Variants in FAF2 observed in about 807,000 individuals in gnomAD.
FAF2 encodes the protein Fas associated factor family member 2, also known as FAS-associated factor 2.
FAF2 carries 9 observed loss-of-function variants against 62.3 expected under a neutral mutation model. The observed-to-expected ratio is 0.14, with a 90% CI of 0.09 to 0.25. The LOEUF is 0.25. FAF2 is among the 10% of genes least tolerant of loss of function. FAF2 has a pLI of 1.00. For synonymous variants in FAF2, 202 were observed against 198.0 expected, an observed-to-expected ratio of 1.02 and a Z score of -0.17; for missense variants, 368 against 556.2, an observed-to-expected ratio of 0.66 and a Z score of 3.40.
At chr5:176,493,119 C>G (rs753379) in intron 5 of FAF2, among the ~76,000 whole-genome samples, 20,546 of 152,168 alleles carry the variant, frequency 0.14, 1,765 homozygotes, top group East Asian at 0.28. Flanking sequence ...AATGCTGTGG[C>G]AATAGGCAAA....
At position 176,496,654 on chromosome 5, in the gene FAF2, G is replaced by A. The variant is rs757583095; in HGVS notation, c.830G>A (p.Arg277His). The A allele has an allele frequency of 4.4e-6, 7 of 1,584,646 alleles. No homozygotes were observed. Among genetic ancestry groups the A allele is most frequent in the East Asian group, 2.3e-5 (1 of 43,504 alleles). The change falls in exon 8 of 11, where the codon CGC becomes CAC. Residue 277 changes from arginine (R) to histidine (H), a missense_variant. Arg to His is a conservative substitution (Grantham distance 29). Coordinates refer to ENST00000261942, the MANE Select transcript of FAF2 (RefSeq NM_014613.3). ...DANQTYLVSE[R>H]LEREERNQTQ... ...AACCAGACTTACCTGGTGTCAGAACGCCTAGAAAGGTACAAGGGAGTTCCC... is the reference window on the plus strand; with the variant it reads ...AACCAGACTTACCTGGTGTCAGAACACCTAGAAAGGTACAAGGGAGTTCCC...
At chr5:176,458,403 TCTTC>T (rs1758314472) in intron 1 of FAF2, among the ~76,000 whole-genome samples, 1 of 104,170 alleles carries the variant, frequency 9.6e-6, no homozygotes, top group African/African-American at 3.9e-5. Context: ...TTTTTCTTTT[TCTTC>T]CTTTTTTTTT....
intron 1 of FAF2, among the ~76,000 whole-genome samples, chr5:176,454,453 C>T (rs1279556048): frequency 6.6e-6 from 1 of 151,422 alleles, no homozygotes; most frequent in Non-Finnish European, 1.5e-5. Context: ...TGGCACAGGC[C>T]TGTAATCCCA....
At chr5:176,477,759 A>G (rs1170848752) in intron 1 of FAF2, among the ~76,000 whole-genome samples, 1 of 152,156 alleles carries the variant, frequency 6.6e-6, no homozygotes, top group Non-Finnish European at 1.5e-5. Flanking sequence ...TCCACATTAA[A>G]CCCTTCACAT....
intron 2 of FAF2, among the ~76,000 whole-genome samples, chr5:176,479,948 G>A (rs2113733087): frequency 6.6e-6 from 1 of 152,284 alleles, no homozygotes; most frequent in South Asian, 2.1e-4. Flanking sequence ...GCCCCGCTCA[G>A]CCTTCCAAAG....
chr5:176,457,589 T>C (rs1758298194), intron 1 of FAF2, among the ~76,000 whole-genome samples: 1 of 152,168 alleles, frequency 6.6e-6, no homozygotes, highest in South Asian at 2.1e-4. Context: ...GTATTTTTGC[T>C]TAAAATTAGT....
At chr5:176,461,351 C>T (rs911855241) in intron 1 of FAF2, among the ~76,000 whole-genome samples, 16 of 109,986 alleles carry the variant, frequency 1.5e-4, no homozygotes, top group African/African-American at 5.6e-4. Flanking sequence ...CAGGTTCTTG[C>T]TCTATCTCTC....
At chr5:176,458,646 T>C (rs1371563333) in intron 1 of FAF2, among the ~76,000 whole-genome samples, 1 of 151,518 alleles carries the variant, frequency 6.6e-6, no homozygotes, top group Non-Finnish European at 1.5e-5. Context: ...CCTCGTGATC[T>C]GCCCACCTCA....
intron 1 of FAF2, among the ~76,000 whole-genome samples, chr5:176,467,340 GT>G (rs997291314): frequency 2.0e-5 from 3 of 149,872 alleles, no homozygotes; most frequent in African/African-American, 2.5e-5. Flanking sequence ...GTTTTTTTTG[GT>G]TTTTTTTTGA....
chr5:176,501,228 C>G (rs1755587128), intron 10 of FAF2, among the ~76,000 whole-genome samples: 5 of 152,168 alleles, frequency 3.3e-5, no homozygotes, highest in Admixed American at 3.3e-4. Flanking sequence ...TAAATACTAA[C>G]TACTATTTTT....
intron 1 of FAF2, among the ~76,000 whole-genome samples, chr5:176,465,302 G>C (rs868058310): frequency 6.6e-6 from 1 of 151,764 alleles, no homozygotes; most frequent in African/African-American, 2.4e-5. Flanking sequence ...TTTTATATAC[G>C]TCTGTGGGCT....
intron 1 of FAF2, among the ~76,000 whole-genome samples, chr5:176,473,591 T>C (rs1391655830): frequency 6.6e-6 from 1 of 152,242 alleles, no homozygotes; most frequent in East Asian, 1.9e-4. Flanking sequence ...TATGTTCTAC[T>C]TCCTTGAAGG....
rs1280481490 is a variant in FAF2 at position 176,502,806 on chromosome 5, T to C, written c.1155+2660T>C. Among the ~76,000 whole-genome samples the C allele has an allele frequency of 2.6e-5, 4 of 152,076 alleles. No homozygotes were observed. In the South Asian group the frequency reaches 8.3e-4, roughly 31 times the overall value. On this transcript the variant is annotated intron_variant, in intron 10 of 10. Coordinates refer to ENST00000261942, the MANE Select transcript of FAF2 (RefSeq NM_014613.3). ...GGCTCATGCCTGTAATCCCAGCACT[T>C]TGGGGGGCCGAGGCAGGCGGATCAC...
chr5:176,455,703 C>T (rs1473422537), intron 1 of FAF2, among the ~76,000 whole-genome samples: 1 of 140,246 alleles, frequency 7.1e-6, no homozygotes, highest in South Asian at 2.3e-4. Flanking sequence ...GAGCCAAGGT[C>T]GCACTAGTGC....
rs545687990 is a variant in FAF2, at chr5:176,481,236, C to T, written c.132+1980C>T. Among the ~76,000 whole-genome samples, 56 of 152,032 alleles carry T rather than the reference C, an allele frequency of 3.7e-4. No individual in the cohort carries two copies. The East Asian group carries it at 8.0e-3, about 22-fold the overall frequency. On this transcript the variant is annotated intron_variant, in intron 2 of 10. Coordinates refer to ENST00000261942, the MANE Select transcript of FAF2 (RefSeq NM_014613.3). ...TAATTTTTTGTATTTTTAGTAGAGA[C>T]GAGGTTTCACCATATTGGCCAGGCT...
Position 176,488,993 on chromosome 5 carries a change from C to T in FAF2, c.310C>T (p.Arg104Trp), listed in dbSNP as rs1358292679. Residue 104 changes from arginine (R) to tryptophan (W), a missense_variant, in exon 4 of 11, where the codon CGG becomes TGG. Transcript: ENST00000261942. The stretch of plus-strand genomic sequence containing the variant: ...TTATTACTTGATAATGCTTCCATTC[C>T]GGTTTACCTATTACACGATACTTGA... The part of the protein sequence containing the change: ...WGYYLIMLPF[R>W]FTYYTILDIF... 4 of 1,613,896 alleles carry T rather than the reference C, an allele frequency of 2.5e-6. No homozygotes were observed. Among genetic ancestry groups the T allele is most frequent in the Non-Finnish European group, 2.5e-6 (3 of 1,179,904 alleles).
At chr5:176,454,576 TGAAAAAAAAAAA>T (rs1758246956) in intron 1 of FAF2, among the ~76,000 whole-genome samples, 2 of 41,702 alleles carry the variant, frequency 4.8e-5, no homozygotes, top group African/African-American at 2.0e-4. Flanking sequence ...AGATTCTGTC[TGAAAAAAAAAAA>T]AAAAAAAAAA....
In FAF2 at chr5:176,460,515, T is replaced by C. The variant is rs79853441; in HGVS notation, c.63+12045T>C. On this transcript the variant is annotated intron_variant, in intron 1 of 10. Transcript: ENST00000261942. ...GTGATGTTGACTATTTTTGGCCGCG[T>C]GTGTGTGTGTGTGTGTGTGTGTGTG... 2.3e-3 allele frequency among the ~76,000 whole-genome samples: 256 copies of C among 110,902 alleles called. 1 individual carries two copies. Among genetic ancestry groups the C allele is most frequent in the Non-Finnish European group, 3.0e-3 (159 of 53,710 alleles). The allele number at this position is 110,902 out of a possible 152,430, so 72.8% of individuals were successfully genotyped here.
chr5:176,494,566 T>A lies in FAF2; in HGVS notation c.661+291T>A, dbSNP rs992268337. Among the ~76,000 whole-genome samples the A allele has an allele frequency of 2.2e-4, 33 of 152,208 alleles. No homozygotes were observed. Among genetic ancestry groups the A allele is most frequent in the Non-Finnish European group, 3.4e-4 (23 of 67,992 alleles). ...GTTTTTATTTAATTAATTAAAAAAA[T>A]TTTTTTGAGATGGAGTCTTGCTCTG... is the stretch of plus-strand genomic sequence containing the variant. On this transcript the variant is annotated intron_variant, in intron 7 of 10. Transcript: ENST00000261942. The surrounding 1 kb of genome is among the most constrained non-coding windows in gnomAD (Gnocchi z 4.0).
Sources: allele counts gnomAD v4.1 joint callset (sites outside exome capture counted in the v4.1 genomes callset), GRCh38; gene constraint gnomAD v4.1.1; non-coding constraint Gnocchi (gnomAD v3.1); transcripts MANE v1.5; gene names NCBI Gene and HGNC (gene_info 2026-07-23, HGNC 2026-07-21).